LIMK2: variants seen among roughly 807,000 people sequenced by gnomAD.
LIMK2 encodes LIM domain kinase 2.
Under a neutral mutation model 75.7 loss-of-function variants are expected in LIMK2, and 35 were observed. That is an observed-to-expected ratio of 0.46 (90% CI 0.35 to 0.61). The LOEUF (loss-of-function observed/expected upper bound fraction) is 0.61. Among genes scored for constraint, LIMK2 ranks in the 20% least tolerant of loss-of-function variants. The probability of loss-of-function intolerance (pLI) is 0.00; values close to 1 mark genes in which losing one functional copy is unlikely to be tolerated. For missense variants in LIMK2, 623 were observed against 831.0 expected (o/e 0.75, Z 3.08); for synonymous variants, 301 against 319.2 (o/e 0.94, Z 0.61).
chr22:31,266,207 A>C, intron 8 of LIMK2, 75 bp downstream of exon 8: 1 of 1,432,294 alleles, frequency 7.0e-7, no homozygotes, highest in Non-Finnish European at 9.7e-7. Context: ...ATTTCTCATC[A>C]CTTGGCCCCA....
chr22:31,264,115 T>C (rs567282967), intron 7 of LIMK2, among the ~76,000 whole-genome samples: 11 of 152,312 alleles, frequency 7.2e-5, no homozygotes, highest in South Asian at 4.1e-4. Flanking sequence ...CTCACTCCCA[T>C]TGCCTCTTGG....
chr22:31,257,980 C>T (rs2048801653), intron 2 of LIMK2, among the ~76,000 whole-genome samples: 1 of 152,080 alleles, frequency 6.6e-6, no homozygotes, highest in Admixed American at 6.6e-5. Context: ...TACACATCTT[C>T]TTTATATATT....
intron 2 of LIMK2, among the ~76,000 whole-genome samples, chr22:31,245,565 G>A (rs1032160297): frequency 2.6e-5 from 4 of 152,104 alleles, no homozygotes; most frequent in African/African-American, 9.7e-5. Flanking sequence ...GCCTTCCAAA[G>A]TGCTGGGATT....
At position 31,215,268 on chromosome 22, in the gene LIMK2, G is replaced by A. The variant is rs186838024; in HGVS notation, c.16+2844G>A. On this transcript the variant is annotated intron_variant, in intron 1 of 15. Transcript: ENST00000331728. Reference sequence around the variant, plus strand: ...GACTATGGAGTCTGAGAAGGAAGTGGGACTTAAACTTTCACTTGTTATTCC... The same window carrying A: ...GACTATGGAGTCTGAGAAGGAAGTGAGACTTAAACTTTCACTTGTTATTCC... 2.6e-5 allele frequency among the ~76,000 whole-genome samples: 4 copies of A among 152,288 alleles called. No homozygotes were observed. In the East Asian group the frequency reaches 7.7e-4, roughly 29 times the overall value.
At chr22:31,250,449 A>C (rs1423418295) in intron 2 of LIMK2, among the ~76,000 whole-genome samples, 1 of 152,160 alleles carries the variant, frequency 6.6e-6, no homozygotes, top group African/African-American at 2.4e-5. Flanking sequence ...AATGCCACCC[A>C]AGTCCACCTG....
intron 12 of LIMK2, among the ~76,000 whole-genome samples, chr22:31,272,227 A>ATTTTTTTTT (rs34015226): frequency 4.6e-5 from 6 of 131,022 alleles, no homozygotes; most frequent in South Asian, 2.4e-4. Flanking sequence ...CGCCCAGCTA[A>ATTTTTTTTT]TTTTTTTTTT....
At chr22:31,235,037 G>A (rs1193416864) in intron 2 of LIMK2, among the ~76,000 whole-genome samples, 1 of 152,036 alleles carries the variant, frequency 6.6e-6, no homozygotes, top group Non-Finnish European at 1.5e-5. Context: ...TTCCTTTGAG[G>A]CTTTTTTTAA....
Position 31,218,272 on chromosome 22 carries a change from C to G in LIMK2, c.16+5848C>G, listed in dbSNP as rs78078654. Reference sequence around the variant, plus strand: ...ATTTGCCCAAGGACACAGAGGCAAACAGTGACAGATTCAGGTTTCAAACAC... The same window carrying G: ...ATTTGCCCAAGGACACAGAGGCAAAGAGTGACAGATTCAGGTTTCAAACAC... On this transcript the variant is annotated intron_variant, in intron 1 of 15. Coordinates refer to ENST00000331728, the MANE Select transcript of LIMK2 (RefSeq NM_005569.4). Among the ~76,000 whole-genome samples the G allele has an allele frequency of 1.9e-4, 29 of 152,304 alleles. No individual in the cohort carries two copies. The East Asian group carries it at 5.0e-3, about 26-fold the overall frequency.
intron 2 of LIMK2, among the ~76,000 whole-genome samples, chr22:31,230,676 G>T (rs1368010702): frequency 1.3e-5 from 2 of 152,216 alleles, no homozygotes; most frequent in Admixed American, 6.5e-5. Context: ...AAGGGCTAAT[G>T]CAGATAGAAG....
chr22:31,226,619 A>G (rs1262162920), intron 2 of LIMK2, among the ~76,000 whole-genome samples: 2 of 151,960 alleles, frequency 1.3e-5, no homozygotes, highest in Non-Finnish European at 2.9e-5. Flanking sequence ...TATTATTGTT[A>G]TTATTATTGA....
chr22:31,246,183 G>GCACA (rs57524309), intron 2 of LIMK2, among the ~76,000 whole-genome samples: 4,527 of 135,030 alleles, frequency 0.034, 102 homozygotes, highest in East Asian at 0.061. Context: ...ACGCACGCAC[G>GCACA]CACACACACA....
chr22:31,213,386 G>A (rs1466020089), intron 1 of LIMK2, among the ~76,000 whole-genome samples: 2 of 152,256 alleles, frequency 1.3e-5, no homozygotes, highest in South Asian at 2.1e-4. Context: ...ACCAGGGTCA[G>A]CGTCCAGAAG....
intron 2 of LIMK2, among the ~76,000 whole-genome samples, chr22:31,232,091 G>A (rs2048533901): frequency 2.0e-5 from 3 of 151,642 alleles, no homozygotes; most frequent in Admixed American, 2.0e-4. Context: ...TTGGGATTAC[G>A]GAAGTAAGCC....
chr22:31,258,634 T>C (rs991923150), intron 3 of LIMK2: 46 of 544,562 alleles, frequency 8.4e-5, no homozygotes, highest in Middle Eastern at 3.3e-4. Flanking sequence ...TAGTTGAACG[T>C]TGGGAGTGGG....
chr22:31,225,368 AAAG>A (rs2048469255), intron 1 of LIMK2, among the ~76,000 whole-genome samples: 2 of 152,340 alleles, frequency 1.3e-5, no homozygotes, highest in Admixed American at 1.3e-4. Context: ...CTGACACTGA[AAAG>A]AAGGAGATTG....
intron 2 of LIMK2, among the ~76,000 whole-genome samples, chr22:31,232,800 C>T (rs1227121133): frequency 6.6e-6 from 1 of 151,808 alleles, no homozygotes; most frequent in African/African-American, 2.4e-5. Context: ...GGGTCTTGCT[C>T]TGTTGCCCAG....
intron 2 of LIMK2, among the ~76,000 whole-genome samples, chr22:31,234,926 C>T (rs1313020996): frequency 6.6e-6 from 1 of 152,036 alleles, no homozygotes; most frequent in African/African-American, 2.4e-5. Flanking sequence ...TTAACTCCTG[C>T]TTATCGTTTA....
chr22:31,268,264 T>C, intron 11 of LIMK2, 64 bp downstream of exon 11: 2 of 1,365,650 alleles, frequency 1.5e-6, no homozygotes, highest in South Asian at 2.3e-5. Flanking sequence ...AATTGTGGGC[T>C]TCACTGGAAG....
rs370423192 is a variant in LIMK2 at position 31,260,023 on chromosome 22, C to T, written c.497C>T (p.Ser166Phe). 6.8e-6 allele frequency: 11 copies of T among 1,609,274 alleles called. No individual in the cohort carries two copies. The highest frequency in any genetic ancestry group is 1.3e-5 in the African/African-American group (1 of 74,610). Residue 166 changes from serine to phenylalanine, a missense_variant, in exon 5 of 16, where the codon TCC becomes TTC. Transcript: ENST00000331728. ...ACCACTGAAGGCAGGCGGGGCTTCT[C>T]CGTGTCCGTGGAGAGTGCCTGCTCC... ...PATTEGRRGF[S>F]VSVESACSNY...
Sources: allele counts gnomAD v4.1 joint callset (sites outside exome capture counted in the v4.1 genomes callset), GRCh38; gene constraint gnomAD v4.1.1; transcripts MANE v1.5; gene names NCBI Gene and HGNC (gene_info 2026-07-23, HGNC 2026-07-21).